Variants in XCR1 observed in about 807,000 individuals in gnomAD.
XCR1 encodes X-C motif chemokine receptor 1, also known as chemokine XC receptor 1.
For missense variants in XCR1, 356 were observed against 424.2 expected, an observed-to-expected ratio of 0.84 and a Z score of 1.41; for synonymous variants, 187 against 188.5, an observed-to-expected ratio of 0.99 and a Z score of 0.06.
rs973606241 is a variant in XCR1 at position 46,017,105 on chromosome 3, T to G, written c.*3841A>C. The G allele has an allele frequency of 1.3e-5, 2 of 152,198 alleles. No homozygotes were observed. The highest frequency in any genetic ancestry group is 1.3e-4 in the Admixed American group (2 of 15,282). 9.4% of individuals were successfully genotyped at this position (152,198 alleles called of 1,614,324 possible). A position where few individuals can be genotyped will look rare whatever the true frequency, so the allele number is the denominator to read the frequency against. On this transcript the variant is annotated 3_prime_UTR_variant, in exon 2 of 2. Transcript: ENST00000309285. ...GGGACAGAATGATCAACAAAGCAAG[T>G]AGTTTTACATACATGACCTTATGCA...
intron 1 of XCR1, among the ~76,000 whole-genome samples, chr3:46,078,954 G>T (rs940913926): frequency 6.6e-6 from 1 of 152,202 alleles, no homozygotes; most frequent in Non-Finnish European, 1.5e-5. Context: ...ATACGGGACT[G>T]ATCGCTCATA....
At chr3:46,073,765 A>T (rs1032632959) in intron 3 of XCR1, among the ~76,000 whole-genome samples, 15 of 152,190 alleles carry the variant, frequency 9.9e-5, no homozygotes, top group African/African-American at 3.4e-4. Context: ...AAAGTGGGCA[A>T]AGGACATGAA....
Position 46,020,720 on chromosome 3 carries a change from T to C in XCR1, c.*226A>G. Reference sequence around the variant, plus strand: ...AGATGAACTCAGAGTTCAAGAAATGTTTTTTTGGATGGCAGTATAAAATTC... The same window carrying C: ...AGATGAACTCAGAGTTCAAGAAATGCTTTTTTGGATGGCAGTATAAAATTC... On this transcript the variant is annotated 3_prime_UTR_variant, in exon 2 of 2. Coordinates refer to ENST00000309285, the MANE Select transcript of XCR1 (RefSeq NM_001024644.2). 1.7e-6 allele frequency: 1 copy of C among 585,016 alleles called. No homozygotes were observed. The highest frequency in any genetic ancestry group is 3.0e-6 in the Non-Finnish European group (1 of 336,894). 36.2% of individuals were successfully genotyped at this position (585,016 alleles called of 1,614,324 possible).
upstream of XCR1, among the ~76,000 whole-genome samples, chr3:46,031,427 C>T (rs755447822): frequency 6.6e-6 from 1 of 152,206 alleles, no homozygotes; most frequent in Non-Finnish European, 1.5e-5. Context: ...TGTGTGCATG[C>T]TTGGGGCAGT....
chr3:46,048,675 C>T (rs142699158), intron 5 of XCR1, among the ~76,000 whole-genome samples: 28 of 152,320 alleles, frequency 1.8e-4, no homozygotes, highest in Middle Eastern at 3.4e-3. Context: ...CCCACCAGAC[C>T]TTTTCATTGT....
intron 4 of XCR1, among the ~76,000 whole-genome samples, chr3:46,058,258 A>G (rs1697891813): frequency 6.6e-6 from 1 of 152,170 alleles, no homozygotes; most frequent in Non-Finnish European, 1.5e-5. Context: ...GGTTCTGGTG[A>G]TCATGTATTT....
intron 5 of XCR1, among the ~76,000 whole-genome samples, chr3:46,036,453 T>A (rs1289294970): frequency 6.6e-6 from 1 of 152,270 alleles, no homozygotes; most frequent in Admixed American, 6.5e-5. Context: ...TTTATTATGC[T>A]ATGTCTTTTT....
intron 1 of XCR1, among the ~76,000 whole-genome samples, chr3:46,081,920 T>C (rs1698372296): frequency 6.6e-6 from 1 of 152,144 alleles, no homozygotes. Context: ...GTGTACCCAA[T>C]GTTTAGCTCC....
In XCR1 at chr3:46,021,062, T is replaced by C; in HGVS notation, c.886A>G (p.Thr296Ala). The C allele has an allele frequency of 2.5e-6, 4 of 1,614,110 alleles. No homozygotes were observed. The highest frequency in any genetic ancestry group is 3.4e-6 in the Non-Finnish European group (4 of 1,180,008). The change falls in exon 2 of 2, where the codon ACA becomes GCA. Residue 296 changes from threonine (T) to alanine (A), a missense_variant. Coordinates refer to ENST00000309285, the MANE Select transcript of XCR1 (RefSeq NM_001024644.2). The surrounding 1 kb of genome is among the most constrained non-coding windows in gnomAD (Gnocchi z 4.7). Reference sequence around the variant, plus strand: ...TGCCGGAGAACATGTTTCAGGTGTGTGCGGAACTTGACCCCCACGAAGACA... The same window carrying C: ...TGCCGGAGAACATGTTTCAGGTGTGCGCGGAACTTGACCCCCACGAAGACA... ...LYVFVGVKFR[T>A]HLKHVLRQFW...
intron 5 of XCR1, among the ~76,000 whole-genome samples, chr3:46,043,904 C>T (rs1327154402): frequency 6.6e-6 from 1 of 152,192 alleles, no homozygotes; most frequent in Non-Finnish European, 1.5e-5. Context: ...CCAATTTCTA[C>T]ACATTCTTGC....
chr3:46,051,755 G>A (rs146089514), intron 5 of XCR1, among the ~76,000 whole-genome samples: 17 of 152,298 alleles, frequency 1.1e-4, no homozygotes, highest in African/African-American at 3.6e-4. Flanking sequence ...GGCTGGGAGC[G>A]GTGGCTCACG....
At chr3:46,023,384 C>T (rs111644913) in intron 1 of XCR1, 27 of 1,451,452 alleles carry the variant, frequency 1.9e-5, no homozygotes, top group African/African-American at 1.1e-4. Context: ...TACGAAGAGG[C>T]GATTTCTTGT....
intron 1 of XCR1, chr3:46,023,786 A>AT: frequency 6.5e-7 from 1 of 1,542,964 alleles, no homozygotes; most frequent in South Asian, 1.1e-5. Flanking sequence ...CCAGAAGATG[A>AT]TAAAACAATT....
At chr3:46,022,265 A>T (rs1349762233) in intron 1 of XCR1, 2 of 244,084 alleles carry the variant, frequency 8.2e-6, no homozygotes, top group Non-Finnish European at 1.6e-5. Context: ...TGATCATGCC[A>T]CTGCACTCCA....
upstream of XCR1, among the ~76,000 whole-genome samples, chr3:46,028,206 G>T (rs374759184): frequency 2.0e-5 from 3 of 152,114 alleles, no homozygotes; most frequent in East Asian, 5.8e-4. Context: ...TTGGTCGTGG[G>T]ACAAGAACTT....
intron 2 of XCR1, among the ~76,000 whole-genome samples, chr3:46,076,242 C>G (rs1698258286): frequency 6.6e-6 from 1 of 152,044 alleles, no homozygotes; most frequent in African/African-American, 2.4e-5. Context: ...TGAAAGATAC[C>G]CTTGTCTCTA....
At chr3:46,067,586 C>A (rs963536612) in intron 3 of XCR1, among the ~76,000 whole-genome samples, 3 of 152,138 alleles carry the variant, frequency 2.0e-5, no homozygotes, top group African/African-American at 7.2e-5. Flanking sequence ...CTGGATTAGT[C>A]AATTATACAC....
intron 4 of XCR1, among the ~76,000 whole-genome samples, chr3:46,061,441 G>A (rs1445817727): frequency 6.6e-6 from 1 of 152,210 alleles, no homozygotes; most frequent in Non-Finnish European, 1.5e-5. Flanking sequence ...GGAGTGTCTG[G>A]AGAAAGAAGC....
intron 4 of XCR1, among the ~76,000 whole-genome samples, chr3:46,062,060 G>A (rs1697973302): frequency 2.6e-5 from 4 of 152,194 alleles, no homozygotes; most frequent in African/African-American, 9.7e-5. Flanking sequence ...AATTTGGACA[G>A]TGCCCATTAC....
Sources: allele counts gnomAD v4.1 joint callset (sites outside exome capture counted in the v4.1 genomes callset), GRCh38; gene constraint gnomAD v4.1.1; non-coding constraint Gnocchi (gnomAD v3.1); transcripts MANE v1.5; gene names NCBI Gene and HGNC (gene_info 2026-07-23, HGNC 2026-07-21).